SHISA9: variants seen among roughly 807,000 people sequenced by gnomAD.
SHISA9 encodes protein shisa-9.
A neutral mutation model predicts 38.0 loss-of-function variants in SHISA9; 13 were observed. The ratio of observed to expected loss-of-function variants is 0.34; its 90% confidence interval spans 0.22 to 0.54. SHISA9 has a LOEUF of 0.54. Among genes scored for constraint, SHISA9 ranks in the 20% least tolerant of loss-of-function variants. The probability of loss-of-function intolerance (pLI) is 0.91; values close to 1 mark genes in which losing one functional copy is unlikely to be tolerated. For missense variants in SHISA9, 538 were observed against 575.8 expected (o/e 0.93, Z 0.67); for synonymous variants, 275 against 242.0 (o/e 1.14, Z -1.27).
chr16:12,958,997 A>G (rs2071873188), intron 2 of SHISA9, among the ~76,000 whole-genome samples: 1 of 152,220 alleles, frequency 6.6e-6, no homozygotes, highest in African/African-American at 2.4e-5. Flanking sequence ...GTATGATGAC[A>G]CAAGACAATG....
At chr16:13,086,250 G>A (rs2073708962) in intron 2 of SHISA9, among the ~76,000 whole-genome samples, 2 of 151,312 alleles carry the variant, frequency 1.3e-5, no homozygotes, top group South Asian at 4.2e-4. Context: ...CGTGGCTTGG[G>A]AGGCTGAGGC....
At chr16:12,985,272 A>C in intron 2 of SHISA9, among the ~76,000 whole-genome samples, 1 of 146,664 alleles carries the variant, frequency 6.8e-6, no homozygotes, top group African/African-American at 2.5e-5. Context: ...TAAATAAATA[A>C]ATGGAAGAGG....
the SHISA9 span, chr16:13,331,509 C>T: frequency 2.6e-5 from 4 of 151,852 alleles, no homozygotes; most frequent in Admixed American, 6.6e-5. Flanking sequence ...ATACATAATA[C>T]ATTTTTATGT....
At chr16:13,395,321 A>G in the SHISA9 span, among the ~76,000 whole-genome samples, 1 of 152,240 alleles carries the variant, frequency 6.6e-6, no homozygotes, top group Non-Finnish European at 1.5e-5. Flanking sequence ...AAACTGGGGT[A>G]GACCAAAGAA....
At chr16:13,087,914 G>A (rs1431093789) in intron 2 of SHISA9, among the ~76,000 whole-genome samples, 1 of 152,104 alleles carries the variant, frequency 6.6e-6, no homozygotes, top group African/African-American at 2.4e-5. Flanking sequence ...TGTCCTGAAT[G>A]GTATTGCCTA....
At chr16:13,178,654 G>T (rs1247199825) in intron 2 of SHISA9, among the ~76,000 whole-genome samples, 1 of 152,296 alleles carries the variant, frequency 6.6e-6, no homozygotes, top group East Asian at 1.9e-4. Context: ...CTCTGCTAGT[G>T]CCGGGGACCT....
At chr16:13,199,483 A>G (rs1460263335) in intron 2 of SHISA9, among the ~76,000 whole-genome samples, 1 of 152,224 alleles carries the variant, frequency 6.6e-6, no homozygotes, top group Non-Finnish European at 1.5e-5. Context: ...CCAGACAACA[A>G]TTGCCTTAGT....
At chr16:12,951,048 C>G (rs929299983) in intron 2 of SHISA9, among the ~76,000 whole-genome samples, 13 of 149,778 alleles carry the variant, frequency 8.7e-5, no homozygotes, top group Non-Finnish European at 1.5e-4. Context: ...ATGGTGAAAC[C>G]CCATCTCTAC....
At chr16:13,194,561 C>G (rs906662937) in intron 2 of SHISA9, among the ~76,000 whole-genome samples, 3 of 152,116 alleles carry the variant, frequency 2.0e-5, no homozygotes, top group Non-Finnish European at 4.4e-5. Context: ...CCTCATAACC[C>G]CTTTATGTTT....
intron 2 of SHISA9, among the ~76,000 whole-genome samples, chr16:12,942,665 AAT>A (rs1247234106): frequency 6.6e-6 from 1 of 152,196 alleles, no homozygotes; most frequent in Non-Finnish European, 1.5e-5. Flanking sequence ...CTTCATGCTT[AAT>A]GAGAACAATG....
the SHISA9 span, among the ~76,000 whole-genome samples, chr16:13,358,618 C>T: frequency 7.9e-5 from 12 of 152,300 alleles, no homozygotes; most frequent in Middle Eastern, 3.4e-3. Context: ...AGAGAGTATT[C>T]TCTTTTCAGA....
intron 2 of SHISA9, among the ~76,000 whole-genome samples, chr16:13,031,869 C>T (rs1321966490): frequency 6.6e-6 from 1 of 152,250 alleles, no homozygotes; most frequent in East Asian, 1.9e-4. Context: ...TAGGCAAATG[C>T]AGAAAACTGC....
At chr16:13,302,154 A>G in the SHISA9 span, among the ~76,000 whole-genome samples, 2 of 152,132 alleles carry the variant, frequency 1.3e-5, no homozygotes, top group African/African-American at 4.8e-5. Context: ...CAGTTGTGTC[A>G]TGGTGGTTAA....
At chr16:13,414,671 G>A in the SHISA9 span, among the ~76,000 whole-genome samples, 1 of 121,376 alleles carries the variant, frequency 8.2e-6, no homozygotes, top group Non-Finnish European at 1.6e-5. Context: ...TTCAGACAGA[G>A]TGTTGCCCTC....
chr16:13,358,410 G>T, the SHISA9 span, among the ~76,000 whole-genome samples: 1 of 152,128 alleles, frequency 6.6e-6, no homozygotes, highest in Non-Finnish European at 1.5e-5. Context: ...AGGCTGTGCT[G>T]TGTGATGTTC....
the SHISA9 span, among the ~76,000 whole-genome samples, chr16:13,398,869 T>C: frequency 6.6e-6 from 1 of 152,214 alleles, no homozygotes; most frequent in South Asian, 2.1e-4. Context: ...CAATCATCAA[T>C]TATTTGTTAA....
intron 2 of SHISA9, among the ~76,000 whole-genome samples, chr16:12,936,936 G>A (rs2071542223): frequency 6.6e-6 from 1 of 152,092 alleles, no homozygotes; most frequent in Non-Finnish European, 1.5e-5. Flanking sequence ...GCTAGAGGGC[G>A]GTGGGGTTTG....
the SHISA9 span, among the ~76,000 whole-genome samples, chr16:13,292,249 C>T: frequency 6.6e-6 from 1 of 151,860 alleles, no homozygotes; most frequent in South Asian, 2.1e-4. Flanking sequence ...TACGTGTGTG[C>T]TTGTCTTGAC....
intron 2 of SHISA9, among the ~76,000 whole-genome samples, chr16:12,936,535 A>G (rs776642919): frequency 6.6e-6 from 1 of 152,246 alleles, no homozygotes; most frequent in African/African-American, 2.4e-5. Context: ...CCCATTCCAC[A>G]CAATGAGCAT....
Sources: gnomAD v4.1 joint callset for allele counts (sites outside exome capture counted in the v4.1 genomes callset) on GRCh38, gnomAD v4.1.1 for gene constraint, MANE v1.5 for transcripts, NCBI Gene and HGNC (gene_info 2026-07-23, HGNC 2026-07-21) for gene names.